Variants in COPA observed in about 807,000 individuals in gnomAD.
The protein encoded by COPA is coatomer subunit alpha.
In COPA, 10 loss-of-function variants were observed where a neutral mutation model predicts 158.7. The observed-to-expected ratio is 0.06, with a 90% CI of 0.04 to 0.11. The LOEUF (loss-of-function observed/expected upper bound fraction) is 0.11. Among genes scored for constraint, COPA ranks in the 10% least tolerant of loss-of-function variants. The pLI is 1.00. For synonymous variants in COPA, 462 were observed against 542.8 expected (o/e 0.85, Z 2.07); for missense variants, 1,065 against 1,536.7 (o/e 0.69, Z 5.13).
chr1:160,313,628 A>C (rs912288251), intron 9 of COPA, among the ~76,000 whole-genome samples: 8 of 152,062 alleles, frequency 5.3e-5, no homozygotes, highest in African/African-American at 1.9e-4. Context: ...GTTAGCCAGG[A>C]TGGTCTCAAT....
chr1:160,305,448 T>C lies in COPA; in HGVS notation c.1652A>G (p.Tyr551Cys). Residue 551 changes from tyrosine (Y) to cysteine (C), a missense_variant, in exon 17 of 33, where the codon TAT becomes TGT. This residue lies in a region of COPA where 980 missense variants were observed against 1,357.8 expected (regional missense o/e 0.72). Transcript: ENST00000241704. ...FIYTTSNHIKYAVTTGDHGII... is the reference protein window; with the variant it reads ...FIYTTSNHIKCAVTTGDHGII... ...ATTAACTTACCCAGTGGTGACAGCA[T>C]ATTTGATGTGGTTGCTTGTGGTATA... 6.2e-7 allele frequency: 1 copy of C among 1,614,160 alleles called. No homozygotes were observed. Among genetic ancestry groups the C allele is most frequent in the Non-Finnish European group, 8.5e-7 (1 of 1,180,020 alleles).
chr1:160,289,677 ACCT>A lies in COPA; in HGVS notation c.*477_*479del, dbSNP rs1658157800. 6.6e-6 allele frequency: 1 copy of A among 150,896 alleles called. No homozygotes were observed. The highest frequency in any genetic ancestry group is 6.6e-5 in the Admixed American group (1 of 15,062). 9.3% of individuals were successfully genotyped at this position (150,896 alleles called of 1,614,324 possible). On this transcript the variant is annotated 3_prime_UTR_variant, in exon 33 of 33. Coordinates refer to ENST00000241704, the MANE Select transcript of COPA (RefSeq NM_004371.4). ...ATGATCTCAGTTGAATGCAACCTCC[ACCT>A]CCTAGGTTCAAGCGATTCTCATGCC...
intron 17 of COPA, among the ~76,000 whole-genome samples, chr1:160,304,167 C>T (rs1055633214): frequency 4.0e-5 from 6 of 151,436 alleles, no homozygotes; most frequent in African/African-American, 7.3e-5. Flanking sequence ...GGCACCACCA[C>T]CACACCCAGC....
At chr1:160,306,640 C>G (rs1658793536) in intron 14 of COPA, 147 bp from the exon 15 acceptor site, 3 of 932,458 alleles carry the variant, frequency 3.2e-6, no homozygotes, top group Middle Eastern at 3.0e-4. Context: ...TGCAGACAGA[C>G]CATGCCAACC....
intron 3 of COPA, among the ~76,000 whole-genome samples, chr1:160,336,698 TTTC>T (rs906286368): frequency 1.1e-4 from 17 of 152,292 alleles, no homozygotes; most frequent in East Asian, 5.8e-4. Context: ...CAGATGCATT[TTTC>T]TTCTTATTTA....
Position 160,311,871 on chromosome 1 carries a change from C to CGCA in COPA, c.1070_1072dup (p.Leu357dup), listed in dbSNP as rs1658978401. On this transcript the variant is annotated inframe_insertion, in exon 11 of 33. Coordinates refer to ENST00000241704, the MANE Select transcript of COPA (RefSeq NM_004371.4). ...GAAAGAAACAAGTCCGATTTACCTC[C>CGCA]GCAACTGCATCACAGCTACATCTTT... 1.9e-6 allele frequency: 3 copies of CGCA among 1,611,560 alleles called. No individual in the cohort carries two copies. The highest frequency in any genetic ancestry group is 2.5e-6 in the Non-Finnish European group (3 of 1,178,324).
Position 160,291,424 on chromosome 1 carries a change from G to A in COPA, c.3331C>T (p.Leu1111=), listed in dbSNP as rs181135283. Residue 1111 remains leucine (L), a synonymous_variant, in exon 31 of 33, where the codon CTG becomes TTG. Transcript: ENST00000241704. Reference sequence around the variant, plus strand: ...TTGAAGTTCTTGAGCTTGAAGAACAGATTGAGGGCTGTACGCAGCACCAGG... The same window carrying A: ...TTGAAGTTCTTGAGCTTGAAGAACAAATTGAGGGCTGTACGCAGCACCAGG... ...MILVLRTALN[L]FFKLKNFKTA... 6.6e-4 allele frequency: 1,060 copies of A among 1,614,180 alleles called. 9 individuals carry two copies. Among genetic ancestry groups the A allele is most frequent in the Non-Finnish European group, 7.3e-5 (86 of 1,180,036 alleles).
Position 160,331,029 on chromosome 1 carries a change from C to T in COPA, c.496+1419G>A, listed in dbSNP as rs112077551. Among the ~76,000 whole-genome samples, 883 of 151,650 alleles carry T rather than the reference C, an allele frequency of 5.8e-3. 2 individuals carry two copies. The highest frequency in any genetic ancestry group is 0.013 in the South Asian group (60 of 4,792). On this transcript the variant is annotated intron_variant, in intron 6 of 32. Transcript: ENST00000241704. Reference sequence around the variant, plus strand: ...TCTCTACTAAAAATACAAAAATTAGCTGGGCATGGTGGCACATGGCAAAAA... The same window carrying T: ...TCTCTACTAAAAATACAAAAATTAGTTGGGCATGGTGGCACATGGCAAAAA...
intron 1 of COPA, among the ~76,000 whole-genome samples, chr1:160,340,869 C>T (rs1648008860): frequency 6.6e-6 from 1 of 152,180 alleles, no homozygotes; most frequent in African/African-American, 2.4e-5. Context: ...GCCCCCTCTT[C>T]TCCGGTATTT....
chr1:160,299,065 C>T lies in COPA; in HGVS notation c.1830+37G>A, dbSNP rs780205560. 3 of 1,607,760 alleles carry T rather than the reference C, an allele frequency of 1.9e-6. No homozygotes were observed. The South Asian group carries it at 3.3e-5, about 18-fold the overall frequency. ...AAAAGAAAAAAAAAAAGAGTGCTGC[C>T]TCTCTTAATACTCTAGTTTGCATCC... is the stretch of plus-strand genomic sequence containing the variant. On this transcript the variant is annotated intron_variant, in intron 18 of 32. Transcript: ENST00000241704.
chr1:160,293,414 G>T lies in COPA; in HGVS notation c.2726C>A (p.Pro909His). Residue 909 changes from proline (P) to histidine (H), a missense_variant, in exon 26 of 33, where the codon CCC becomes CAC. Coordinates refer to ENST00000241704, the MANE Select transcript of COPA (RefSeq NM_004371.4). Reference sequence around the variant, plus strand: ...AGTTGGACTTGTTCCCTTGGTTGGGGGCACAAAGAAACCATCTTCAGCCCC... The same window carrying T: ...AGTTGGACTTGTTCCCTTGGTTGGGTGCACAAAGAAACCATCTTCAGCCCC... ...AGGAEDGFFVPPTKGTSPTQI... is the reference protein window; with the variant it reads ...AGGAEDGFFVHPTKGTSPTQI... The T allele has an allele frequency of 6.2e-7, 1 of 1,612,562 alleles. No homozygotes were observed. Among genetic ancestry groups the T allele is most frequent in the East Asian group, 2.2e-5 (1 of 44,872 alleles).
intron 6 of COPA, 102 bp from the exon 7 acceptor site, chr1:160,325,754 A>G (rs925384898): frequency 2.9e-5 from 25 of 848,798 alleles, no homozygotes; most frequent in South Asian, 1.6e-5. Flanking sequence ...GAAAAGAAAA[A>G]GAAATGGAAA....
chr1:160,314,167 CTAT>C (rs1659065143), intron 8 of COPA, 42 bp from the exon 9 acceptor site: 1 of 1,581,108 alleles, frequency 6.3e-7, no homozygotes, highest in African/African-American at 1.4e-5. Flanking sequence ...TTCCCTACTA[CTAT>C]AACTTTAGGA....
At chr1:160,295,188 G>A (rs998340589) in intron 23 of COPA, among the ~76,000 whole-genome samples, 2 of 152,156 alleles carry the variant, frequency 1.3e-5, no homozygotes. Context: ...ACTACAATGT[G>A]TACAGGGCAT....
At chr1:160,301,630 G>A (rs558406639) in intron 17 of COPA, among the ~76,000 whole-genome samples, 25 of 152,112 alleles carry the variant, frequency 1.6e-4, no homozygotes, top group African/African-American at 5.5e-4. Context: ...AAAATGAGCT[G>A]GGCATGGTGG....
intron 8 of COPA, among the ~76,000 whole-genome samples, chr1:160,321,743 G>A (rs990269140): frequency 2.6e-5 from 4 of 152,030 alleles, no homozygotes; most frequent in South Asian, 2.1e-4. Flanking sequence ...AGCCAAGATC[G>A]AGCCACTGTA....
Position 160,337,695 on chromosome 1 carries a change from G to A in COPA, c.228+2214C>T, listed in dbSNP as rs571218240. Among the ~76,000 whole-genome samples the A allele has an allele frequency of 3.1e-3, 478 of 151,782 alleles. 3 individuals carry two copies. Among genetic ancestry groups the A allele is most frequent in the Non-Finnish European group, 4.2e-3 (287 of 67,944 alleles). On this transcript the variant is annotated intron_variant, in intron 3 of 32. Coordinates refer to ENST00000241704, the MANE Select transcript of COPA (RefSeq NM_004371.4). ...GATCACGCCACTGCACTCCAGCCTG[G>A]GCAACAGAACAAGACTCCATCGCAA...
rs748443010 is a variant in COPA at position 160,293,151 on chromosome 1, G to A, written c.2823+15C>T. ...GGGCTAGGCACACTCAAGAGGAAAA[G>A]CCAAGGTTACTTACCCGCATGGCTG... On this transcript the variant is annotated intron_variant, in intron 27 of 32. Transcript: ENST00000241704. 6.8e-6 allele frequency: 11 copies of A among 1,614,014 alleles called. No individual in the cohort carries two copies. The Admixed American group carries it at 1.8e-4, about 27-fold the overall frequency.
intron 8 of COPA, among the ~76,000 whole-genome samples, chr1:160,318,625 CT>C (rs1363678971): frequency 6.6e-6 from 1 of 151,388 alleles, no homozygotes; most frequent in African/African-American, 2.4e-5. Context: ...CCACTTATAA[CT>C]TTACTATGAA....
Sources: gnomAD v4.1 joint callset for allele counts (sites outside exome capture counted in the v4.1 genomes callset) on GRCh38, gnomAD v4.1.1 for gene constraint, gnomAD v4.1.1 regional missense constraint, MANE v1.5 for transcripts, NCBI Gene and HGNC (gene_info 2026-07-23, HGNC 2026-07-21) for gene names.